Variants in FER1L6 observed in about 807,000 individuals in gnomAD.
FER1L6 encodes fer-1 like family member 6.
In FER1L6, 177 loss-of-function variants were observed where a neutral mutation model predicts 219.2. The observed-to-expected ratio is 0.81, with a 90% CI of 0.71 to 0.91. The LOEUF is 0.91. Among genes scored for constraint, FER1L6 ranks in the 40% least tolerant of loss-of-function variants. The probability of loss-of-function intolerance (pLI) is 0.00; values close to 1 mark genes in which losing one functional copy is unlikely to be tolerated. For missense variants in FER1L6, 2,153 were observed against 2,259.9 expected, an observed-to-expected ratio of 0.95 and a Z score of 0.96; for synonymous variants, 768 against 824.3, an observed-to-expected ratio of 0.93 and a Z score of 1.17.
intron 18 of FER1L6, among the ~76,000 whole-genome samples, chr8:124,028,109 T>A (rs1216859924): frequency 6.6e-6 from 1 of 152,202 alleles, no homozygotes; most frequent in Non-Finnish European, 1.5e-5. Context: ...CTATTTAAAA[T>A]TAGAACAAAG....
intron 5 of FER1L6, among the ~76,000 whole-genome samples, chr8:123,966,854 T>G (rs928724674): frequency 6.6e-6 from 1 of 151,978 alleles, no homozygotes; most frequent in Non-Finnish European, 1.5e-5. Context: ...GGCCACGGCG[T>G]GCGGATCACG....
At chr8:124,114,954 T>C (rs1823183596) in intron 39 of FER1L6, among the ~76,000 whole-genome samples, 2 of 142,028 alleles carry the variant, frequency 1.4e-5, no homozygotes. Flanking sequence ...TAAAAGATTT[T>C]GTCAGCATAC....
chr8:124,005,555 C>T (rs773194245), intron 13 of FER1L6, among the ~76,000 whole-genome samples: 1 of 152,212 alleles, frequency 6.6e-6, no homozygotes, highest in Non-Finnish European at 1.5e-5. Context: ...CTCACCTCCC[C>T]CAAGCACTGA....
intron 12 of FER1L6, among the ~76,000 whole-genome samples, chr8:123,995,816 C>G (rs1390796831): frequency 6.6e-6 from 1 of 151,828 alleles, no homozygotes; most frequent in Admixed American, 6.6e-5. Flanking sequence ...ATAAACATTC[C>G]TCTTAGTACT....
chr8:123,989,148 A>C (rs1816736882), intron 12 of FER1L6, among the ~76,000 whole-genome samples: 1 of 152,148 alleles, frequency 6.6e-6, no homozygotes, highest in African/African-American at 2.4e-5. Flanking sequence ...ACATTGAACT[A>C]TCTTTGCATC....
At chr8:123,979,872 A>G (rs1287576370) in intron 10 of FER1L6, among the ~76,000 whole-genome samples, 1 of 152,078 alleles carries the variant, frequency 6.6e-6, no homozygotes, top group Non-Finnish European at 1.5e-5. Context: ...AAAGGCCAAA[A>G]TTTTTATCAA....
chr8:123,985,445 C>G (rs553114165), intron 11 of FER1L6: 1 of 152,208 alleles, frequency 6.6e-6, no homozygotes, highest in Admixed American at 6.5e-5. Flanking sequence ...AAGTTTGATT[C>G]TGGTCAGTGT....
At chr8:124,038,238 CT>C (rs1346892925) in intron 19 of FER1L6, among the ~76,000 whole-genome samples, 1 of 152,226 alleles carries the variant, frequency 6.6e-6, no homozygotes, top group East Asian at 1.9e-4. Context: ...TGTTACCATC[CT>C]TTAGGGCTCT....
rs1039509733 is a variant in FER1L6 at position 123,853,983 on chromosome 8, C to G, written c.-8+1798C>G. On this transcript the variant is annotated intron_variant, in intron 1 of 40. Coordinates refer to ENST00000522917, the MANE Select transcript of FER1L6 (RefSeq NM_001039112.2). This position sits in a 1 kb window ranked among gnomAD's most constrained non-coding sequence, Gnocchi z 6.6. ...TGGCTCTCAGGGAAGCATCAGGGAC[C>G]GTGATTAGAAAGTTTACGTCTGAGT... is the stretch of plus-strand genomic sequence containing the variant. Among the ~76,000 whole-genome samples, 4 of 152,114 alleles carry G rather than the reference C, an allele frequency of 2.6e-5. No homozygotes were observed. Among genetic ancestry groups the G allele is most frequent in the African/African-American group, 9.7e-5 (4 of 41,412 alleles).
At chr8:123,883,879 A>G (rs1443206984) in intron 1 of FER1L6, among the ~76,000 whole-genome samples, 2 of 152,206 alleles carry the variant, frequency 1.3e-5, no homozygotes. Context: ...CGCCTTTTAA[A>G]CACCTCACCT....
intron 32 of FER1L6, among the ~76,000 whole-genome samples, chr8:124,078,233 CCAGT>C (rs1159235673): frequency 6.6e-6 from 1 of 152,050 alleles, no homozygotes; most frequent in African/African-American, 2.4e-5. Flanking sequence ...GAACAAAATG[CCAGT>C]CAGTTGTCAG....
intron 22 of FER1L6, among the ~76,000 whole-genome samples, chr8:124,052,297 A>G (rs1820080851): frequency 6.6e-6 from 1 of 152,210 alleles, no homozygotes. Flanking sequence ...AACTACTTGT[A>G]GAAGAAAGCC....
intron 33 of FER1L6, among the ~76,000 whole-genome samples, chr8:124,086,140 G>T (rs1178488228): frequency 5.5e-5 from 7 of 126,856 alleles, no homozygotes; most frequent in African/African-American, 9.1e-5. Context: ...GGAGTATTGG[G>T]TCTTGTGTTT....
At chr8:124,093,071 G>T (rs543435559) in intron 34 of FER1L6, among the ~76,000 whole-genome samples, 1 of 151,996 alleles carries the variant, frequency 6.6e-6, no homozygotes. Context: ...TGATCTGCCC[G>T]CCTTGGCCTT....
At chr8:123,963,504 T>A (rs2130192113) in intron 3 of FER1L6, 106 bp downstream of exon 3, 2 of 1,337,420 alleles carry the variant, frequency 1.5e-6, no homozygotes, top group East Asian at 2.4e-5. Context: ...ACATAGTCAC[T>A]GTCTACAGGC....
chr8:124,003,007 T>G (rs1169185256), intron 12 of FER1L6, among the ~76,000 whole-genome samples, 160 bp from the exon 13 acceptor site: 5 of 152,168 alleles, frequency 3.3e-5, no homozygotes, highest in Non-Finnish European at 7.4e-5. Context: ...TAGCTCATCA[T>G]CATTGTCAGT....
intron 1 of FER1L6, among the ~76,000 whole-genome samples, chr8:123,940,260 T>C (rs1814181480): frequency 6.6e-6 from 1 of 152,158 alleles, no homozygotes; most frequent in Non-Finnish European, 1.5e-5. Flanking sequence ...TTTGTATTGA[T>C]ATAATCTGCC....
In FER1L6 at chr8:124,099,774, C is replaced by T. The variant is rs370311659; in HGVS notation, c.4884-1323C>T. ...CTAAAATATCCCAAATAACTAGCCC[C>T]TGCCTCTCTCTCTCTCCAGCCTCAT... On this transcript the variant is annotated intron_variant, in intron 37 of 40. Transcript: ENST00000522917. Among the ~76,000 whole-genome samples the T allele has an allele frequency of 3.0e-4, 46 of 152,278 alleles. No homozygotes were observed. In the East Asian group the frequency reaches 8.5e-3, roughly 28 times the overall value.
intron 20 of FER1L6, among the ~76,000 whole-genome samples, chr8:124,041,331 C>T (rs1384637298): frequency 6.6e-6 from 1 of 152,172 alleles, no homozygotes; most frequent in Non-Finnish European, 1.5e-5. Context: ...AAATGATGGC[C>T]ATGACATTGG....
Sources: gnomAD v4.1 joint callset for allele counts (sites outside exome capture counted in the v4.1 genomes callset) on GRCh38, gnomAD v4.1.1 for gene constraint, Gnocchi (gnomAD v3.1) non-coding constraint, MANE v1.5 for transcripts, NCBI Gene and HGNC (gene_info 2026-07-23, HGNC 2026-07-21) for gene names.